CARF: variants seen among roughly 807,000 people sequenced by gnomAD.
CARF encodes the protein calcium-responsive transcription factor.
Under a neutral mutation model 82.0 loss-of-function variants are expected in CARF, and 57 were observed. That is an observed-to-expected ratio of 0.70 (90% CI 0.56 to 0.87). CARF has a LOEUF of 0.87. CARF is among the 40% of genes least tolerant of loss of function. CARF has a pLI of 0.00. For synonymous variants in CARF, 268 were observed against 290.1 expected, an observed-to-expected ratio of 0.92 and a Z score of 0.77; for missense variants, 771 against 855.8, an observed-to-expected ratio of 0.90 and a Z score of 1.24.
Position 202,954,096 on chromosome 2 carries a change from T to C in CARF, c.519T>C (p.Pro173=). Residue 173 remains proline (P), a synonymous_variant, in exon 7 of 17, where the codon CCT becomes CCC. Coordinates refer to ENST00000438828, the MANE Select transcript of CARF (RefSeq NM_024744.17). ...ADNTSNYILH[P]QTSFPLPKKS... The stretch of plus-strand genomic sequence containing the variant: ...ATACCAGCAATTACATTCTTCATCC[T>C]CAAACATCCTTCCCATTGCCCAAAA... 2 of 1,613,464 alleles carry C rather than the reference T, an allele frequency of 1.2e-6. No homozygotes were observed. Among genetic ancestry groups the C allele is most frequent in the Non-Finnish European group, 1.7e-6 (2 of 1,179,714 alleles).
At chr2:202,956,500 C>G (rs1000405063) in intron 8 of CARF, among the ~76,000 whole-genome samples, 1 of 152,142 alleles carries the variant, frequency 6.6e-6, no homozygotes, top group Admixed American at 6.5e-5. Flanking sequence ...ATCTACCCAC[C>G]TCAGGCTCCC....
chr2:202,966,055 TC>T (rs1421785320), intron 9 of CARF, among the ~76,000 whole-genome samples: 5 of 152,168 alleles, frequency 3.3e-5, no homozygotes, highest in African/African-American at 1.2e-4. Context: ...TCCACAGAGC[TC>T]CCTTACCACT....
rs534415934 is a variant in CARF at position 202,918,622 on chromosome 2, A to G, written c.-163+579A>G. Among the ~76,000 whole-genome samples, 17 of 152,328 alleles carry G rather than the reference A, an allele frequency of 1.1e-4. No homozygotes were observed. In the East Asian group the frequency reaches 3.3e-3, roughly 29 times the overall value. On this transcript the variant is annotated intron_variant, in intron 2 of 16. Transcript: ENST00000438828. ...ATAAAAACTTATAGCATATACTGAC[A>G]TTCAGGATAGTTGGGAAAATCAGCT...
intron 16 of CARF, among the ~76,000 whole-genome samples, chr2:202,982,908 CAG>C (rs1164265670): frequency 2.0e-5 from 3 of 152,088 alleles, no homozygotes; most frequent in East Asian, 1.9e-4. Context: ...TGTTTTGAGA[CAG>C]AGTCTCATTC....
At chr2:202,982,046 T>G in intron 15 of CARF, 26 bp from the exon 16 acceptor site, 6 of 1,599,332 alleles carry the variant, frequency 3.8e-6, no homozygotes, top group Non-Finnish European at 5.1e-6. Flanking sequence ...TTCAAACATT[T>G]TGATGTACTC....
intron 1 of CARF, 57 bp downstream of exon 1, chr2:202,913,159 A>C (rs941074408): frequency 6.6e-6 from 1 of 152,202 alleles, no homozygotes; most frequent in Non-Finnish European, 1.5e-5. Flanking sequence ...AAGATGTCCT[A>C]CTGTAAGGTA....
intron 13 of CARF, among the ~76,000 whole-genome samples, chr2:202,975,735 A>C (rs1401244166): frequency 6.6e-6 from 1 of 152,110 alleles, no homozygotes; most frequent in East Asian, 1.9e-4. Flanking sequence ...TTTTTTAATA[A>C]ATGGGCAAAT....
intron 9 of CARF, among the ~76,000 whole-genome samples, chr2:202,964,366 A>G (rs1180656245): frequency 4.6e-5 from 7 of 151,972 alleles, no homozygotes; most frequent in Admixed American, 2.0e-4. Flanking sequence ...TGCAATCTCA[A>G]TCTCCTTGGC....
chr2:202,916,059 C>T (rs1689578465), intron 1 of CARF, among the ~76,000 whole-genome samples: 1 of 151,844 alleles, frequency 6.6e-6, no homozygotes, highest in Admixed American at 6.6e-5. Context: ...TTTTTGACAC[C>T]ACTGATTCAT....
At chr2:202,919,828 G>C (rs1266184821) in intron 2 of CARF, among the ~76,000 whole-genome samples, 1 of 152,130 alleles carries the variant, frequency 6.6e-6, no homozygotes, top group Non-Finnish European at 1.5e-5. Context: ...CAGCCACTCA[G>C]CATATTTGTA....
intron 10 of CARF, among the ~76,000 whole-genome samples, chr2:202,967,510 G>A (rs1308281314): frequency 6.6e-6 from 1 of 152,188 alleles, no homozygotes; most frequent in African/African-American, 2.4e-5. Flanking sequence ...TAGTGTGAAT[G>A]TAATGACATA....
intron 5 of CARF, among the ~76,000 whole-genome samples, chr2:202,950,216 AAAAT>A (rs1365019746): frequency 6.6e-6 from 1 of 152,208 alleles, no homozygotes; most frequent in African/African-American, 2.4e-5. Context: ...AAGAAGGGAG[AAAAT>A]AAATGAGACT....
At chr2:202,936,645 A>T (rs1693997767) in intron 3 of CARF, among the ~76,000 whole-genome samples, 1 of 152,090 alleles carries the variant, frequency 6.6e-6, no homozygotes, top group Non-Finnish European at 1.5e-5. Flanking sequence ...CCATTTTGTA[A>T]TTGGGTTATT....
In CARF at chr2:202,955,660, C is replaced by G. The variant is rs1334608213; in HGVS notation, c.558-14C>G. The G allele has an allele frequency of 3.8e-6, 6 of 1,587,364 alleles. No homozygotes were observed. In the Admixed American group the frequency reaches 1.1e-4, roughly 28 times the overall value. On this transcript the variant is annotated splice_polypyrimidine_tract_variant and intron_variant, in intron 7 of 16. Coordinates refer to ENST00000438828, the MANE Select transcript of CARF (RefSeq NM_024744.17). ...TTGAACTGCATATTTATATATATTC[C>G]TCTCCTATCCCAGAATGCTGGAAGA...
intron 7 of CARF, 73 bp from the exon 8 acceptor site, chr2:202,955,601 A>G: frequency 9.8e-7 from 1 of 1,024,592 alleles, no homozygotes; most frequent in Admixed American, 2.5e-5. Flanking sequence ...TGATACTAAG[A>G]GGATAAAGCA....
intron 9 of CARF, 54 bp from the exon 10 acceptor site, chr2:202,966,924 G>A: frequency 6.3e-7 from 1 of 1,588,456 alleles, no homozygotes; most frequent in Non-Finnish European, 8.6e-7. Flanking sequence ...TTAATCTAGT[G>A]TCTAGAATAG....
At chr2:202,948,634 T>A (rs2058614781) in intron 5 of CARF, among the ~76,000 whole-genome samples, 1 of 152,346 alleles carries the variant, frequency 6.6e-6, no homozygotes, top group South Asian at 2.1e-4. Context: ...CCTTCCTAGT[T>A]TGGCCCTTGT....
At chr2:202,971,249 G>C (rs2059779753) in intron 11 of CARF, among the ~76,000 whole-genome samples, 1 of 151,880 alleles carries the variant, frequency 6.6e-6, no homozygotes, top group South Asian at 2.1e-4. Context: ...TCCCTCAACT[G>C]TAGGACCACA....
intron 3 of CARF, chr2:202,924,811 C>A (rs1267924284): frequency 1.6e-5 from 3 of 182,672 alleles, no homozygotes; most frequent in Non-Finnish European, 3.4e-5. Context: ...TATGCCAGGT[C>A]TGGTGGTATG....
Sources: allele counts gnomAD v4.1 joint callset (sites outside exome capture counted in the v4.1 genomes callset), GRCh38; gene constraint gnomAD v4.1.1; transcripts MANE v1.5; gene names NCBI Gene and HGNC (gene_info 2026-07-23, HGNC 2026-07-21).